Variants in DNAJC11 observed in about 807,000 individuals in gnomAD.
The protein encoded by DNAJC11 is dnaJ homolog subfamily C member 11.
DNAJC11 carries 15 observed loss-of-function variants against 78.6 expected under a neutral mutation model. The ratio of observed to expected loss-of-function variants is 0.19; its 90% CI spans 0.13 to 0.29. The LOEUF is 0.29. DNAJC11 is among the 10% of genes least tolerant of loss of function. The pLI, the probability that DNAJC11 is intolerant of heterozygous loss-of-function variation, is 1.00. For missense variants in DNAJC11, 547 were observed against 709.6 expected (o/e 0.77, Z 2.60); for synonymous variants, 292 against 272.1 (o/e 1.07, Z -0.72).
At chr1:6,642,661 G>T (rs997904939) in intron 10 of DNAJC11, among the ~76,000 whole-genome samples, 3 of 152,174 alleles carry the variant, frequency 2.0e-5, no homozygotes, top group African/African-American at 7.2e-5. Context: ...GCAACCAAGT[G>T]AGACCCTGTC....
Position 6,645,200 on chromosome 1 carries a change from C to CA in DNAJC11, c.895-75dup. On this transcript the variant is annotated intron_variant, in intron 8 of 15. Transcript: ENST00000377577. This position sits in a 1 kb window ranked among gnomAD's most constrained non-coding sequence, Gnocchi z 4.1. ...GTGGGGAGATGGGTATCTGCCCTCC[C>CA]ACTAGCTCTGGGCATCTGCTGCACA... The CA allele has an allele frequency of 8.3e-7, 1 of 1,210,206 alleles. No homozygotes were observed. Among genetic ancestry groups the CA allele is most frequent in the Non-Finnish European group, 1.2e-6 (1 of 818,684 alleles). The allele number at this position is 1,210,206 out of a possible 1,614,324, so 75.0% of individuals were successfully genotyped here. A position where few individuals can be genotyped will look rare whatever the true frequency, so the allele number is the denominator to read the frequency against.
In DNAJC11 at chr1:6,645,326, C is replaced by T. The variant is rs1641948889; in HGVS notation, c.895-200G>A. Reference sequence around the variant, plus strand: ...AAAGTGGGAGACTTCACTGAAAACCCAGTTTTCTAGCTTCTCACAAGAAAT... The same window carrying T: ...AAAGTGGGAGACTTCACTGAAAACCTAGTTTTCTAGCTTCTCACAAGAAAT... On this transcript the variant is annotated intron_variant, in intron 8 of 15. Transcript: ENST00000377577. The surrounding 1 kb of genome is among the most constrained non-coding windows in gnomAD (Gnocchi z 4.1). Among the ~76,000 whole-genome samples, 1 of 152,214 alleles carries T rather than the reference C, an allele frequency of 6.6e-6. No individual in the cohort carries two copies. The highest frequency in any genetic ancestry group is 2.1e-4 in the South Asian group (1 of 4,832).
intron 7 of DNAJC11, chr1:6,651,130 A>G (rs1420849752): frequency 1.9e-6 from 1 of 537,478 alleles, no homozygotes; most frequent in African/African-American, 1.9e-5. Flanking sequence ...GCTGGGGACT[A>G]CATCTCTGGC....
At chr1:6,677,352 G>A (rs1642481801) in intron 3 of DNAJC11, among the ~76,000 whole-genome samples, 1 of 151,908 alleles carries the variant, frequency 6.6e-6, no homozygotes, top group African/African-American at 2.4e-5. Flanking sequence ...GAGTGTAGTG[G>A]CGTGATCATA....
At chr1:6,638,141 G>T in intron 12 of DNAJC11, 154 bp downstream of exon 12, 1 of 649,682 alleles carries the variant, frequency 1.5e-6, no homozygotes, top group Non-Finnish European at 2.6e-6. Context: ...GGCAGGGACT[G>T]CAGAGCCCAG....
intron 3 of DNAJC11, among the ~76,000 whole-genome samples, chr1:6,671,938 A>C (rs1474782302): frequency 6.7e-6 from 1 of 148,432 alleles, no homozygotes; most frequent in African/African-American, 2.5e-5. Context: ...GGGTTCAAGC[A>C]ATTCTCCTGC....
rs554152969 is a variant in DNAJC11, at chr1:6,638,527, G to A, written c.1254-163C>T. Among the ~76,000 whole-genome samples, 3 of 152,294 alleles carry A rather than the reference G, an allele frequency of 2.0e-5. No homozygotes were observed. The South Asian group carries it at 6.2e-4, about 32-fold the overall frequency. On this transcript the variant is annotated intron_variant, in intron 11 of 15. Coordinates refer to ENST00000377577, the MANE Select transcript of DNAJC11 (RefSeq NM_018198.4). ...ATATTCCCACGACAGTCTCAGGCAAGTCTGTTAGTCACAGGCTGGCAGCTT... is the reference window on the plus strand; with the variant it reads ...ATATTCCCACGACAGTCTCAGGCAAATCTGTTAGTCACAGGCTGGCAGCTT...
rs1355195890 is a variant in DNAJC11 at position 6,634,258 on chromosome 1, C to T, written c.*1417G>A. 1.2e-5 allele frequency: 10 copies of T among 857,920 alleles called. No individual in the cohort carries two copies. The highest frequency in any genetic ancestry group is 5.4e-5 in the East Asian group (2 of 37,232). The allele number at this position is 857,920 out of a possible 1,614,324, so 53.1% of individuals were successfully genotyped here. On this transcript the variant is annotated 3_prime_UTR_variant, in exon 16 of 16. Transcript: ENST00000377577. ...GAGGATGGGTGCCCAGAAGCACCTG[C>T]GGCAGAGGCGCACGGGAAGCCCGGG...
At chr1:6,647,083 T>C in intron 7 of DNAJC11, among the ~76,000 whole-genome samples, 1 of 141,302 alleles carries the variant, frequency 7.1e-6, no homozygotes, top group Middle Eastern at 3.3e-3. Flanking sequence ...GACAGGTCTT[T>C]TTTTTTTTTT....
chr1:6,690,441 TG>T (rs553536697), intron 1 of DNAJC11, among the ~76,000 whole-genome samples: 21 of 152,322 alleles, frequency 1.4e-4, no homozygotes, highest in Admixed American at 6.5e-4. Flanking sequence ...TTAGGTAATT[TG>T]CCCCCCACAA....
chr1:6,643,280 T>C (rs1440223570), intron 10 of DNAJC11, among the ~76,000 whole-genome samples: 1 of 148,152 alleles, frequency 6.7e-6, no homozygotes, highest in African/African-American at 2.5e-5. Flanking sequence ...AACAGACATT[T>C]TTTTTTTTTT....
At chr1:6,655,054 C>T (rs2148734590) in intron 4 of DNAJC11, among the ~76,000 whole-genome samples, 1 of 152,318 alleles carries the variant, frequency 6.6e-6, no homozygotes, top group Middle Eastern at 3.4e-3. Flanking sequence ...GCCTCGGCCT[C>T]CCAAAGTGCT....
chr1:6,644,127 A>C (rs1487398044), intron 10 of DNAJC11, among the ~76,000 whole-genome samples: 2 of 150,228 alleles, frequency 1.3e-5, no homozygotes, highest in East Asian at 3.9e-4. Flanking sequence ...CACCTGGCTG[A>C]ATTTTTTTTT....
At chr1:6,638,273 G>A in intron 12 of DNAJC11, 22 bp downstream of exon 12, 2 of 1,608,636 alleles carry the variant, frequency 1.2e-6, no homozygotes, top group Non-Finnish European at 1.7e-6. Flanking sequence ...CCCTCGCTTG[G>A]GAACGGTGGG....
At chr1:6,665,912 G>A (rs956036700) in intron 4 of DNAJC11, among the ~76,000 whole-genome samples, 10 of 152,000 alleles carry the variant, frequency 6.6e-5, no homozygotes, top group Admixed American at 2.0e-4. Context: ...ACCTCCCTCC[G>A]GGCACCTGGC....
At chr1:6,643,577 A>G (rs1262458881) in intron 10 of DNAJC11, among the ~76,000 whole-genome samples, 1 of 152,080 alleles carries the variant, frequency 6.6e-6, no homozygotes, top group Non-Finnish European at 1.5e-5. Flanking sequence ...GCCCGGCCAA[A>G]ACCAGACAAC....
chr1:6,644,666 A>C lies in DNAJC11; in HGVS notation c.989T>G (p.Phe330Cys), dbSNP rs764016490. The C allele has an allele frequency of 1.9e-6, 3 of 1,613,918 alleles. No individual in the cohort carries two copies. In the Admixed American group the frequency reaches 5.0e-5, roughly 27 times the overall value. The stretch of plus-strand genomic sequence containing the variant: ...TCCGTACTCCACCACCGTCCCAAAG[A>C]AGCCTGCTCTGCAGGGAGAGAACGC... ...TRVKGSLKAG[F>C]FGTVVEYGAE... Residue 330 changes from phenylalanine to cysteine, a missense_variant, in exon 10 of 16, where the codon TTC becomes TGC. Transcript: ENST00000377577.
intron 2 of DNAJC11, among the ~76,000 whole-genome samples, chr1:6,679,362 AC>A (rs1178098610): frequency 1.3e-5 from 2 of 152,204 alleles, no homozygotes; most frequent in Non-Finnish European, 2.9e-5. Context: ...TGGCCACATC[AC>A]CCAAAATACA....
intron 1 of DNAJC11, among the ~76,000 whole-genome samples, chr1:6,693,446 C>T (rs994756133): frequency 1.3e-5 from 2 of 151,918 alleles, no homozygotes; most frequent in African/African-American, 4.8e-5. Flanking sequence ...AGTGGTGGTG[C>T]GATCTTGCTT....
Sources: gnomAD v4.1 joint callset for allele counts (sites outside exome capture counted in the v4.1 genomes callset) on GRCh38, gnomAD v4.1.1 for gene constraint, Gnocchi (gnomAD v3.1) non-coding constraint, MANE v1.5 for transcripts, NCBI Gene and HGNC (gene_info 2026-07-23, HGNC 2026-07-21) for gene names.